OPCML: variants seen among roughly 807,000 people sequenced by gnomAD.
OPCML encodes opioid binding protein/cell adhesion molecule like.
Under a neutral mutation model 37.8 loss-of-function variants are expected in OPCML, and 13 were observed. The ratio of observed to expected loss-of-function variants is 0.34; its 90% CI spans 0.22 to 0.55. The LOEUF (loss-of-function observed/expected upper bound fraction) is 0.55. Among genes scored for constraint, OPCML ranks in the 20% least tolerant of loss-of-function variants. The probability of loss-of-function intolerance (pLI) is 0.91; values close to 1 mark genes in which losing one functional copy is unlikely to be tolerated. For synonymous variants in OPCML, 176 were observed against 168.8 expected, an observed-to-expected ratio of 1.04 and a Z score of -0.33; for missense variants, 341 against 435.6, an observed-to-expected ratio of 0.78 and a Z score of 1.93.
chr11:132,750,085 A>G lies in OPCML; in HGVS notation c.147-92766T>C, dbSNP rs569121644. ...TTTAGTAAAGACGGGGTTTTGCCCCAACACTTTGGCAAGCCGAGGTGGGCA... is the reference window on the plus strand; with the variant it reads ...TTTAGTAAAGACGGGGTTTTGCCCCGACACTTTGGCAAGCCGAGGTGGGCA... On this transcript the variant is annotated intron_variant, in intron 2 of 7. Transcript: ENST00000524381. Among the ~76,000 whole-genome samples the G allele has an allele frequency of 2.6e-5, 4 of 152,184 alleles. No individual in the cohort carries two copies. In the East Asian group the frequency reaches 7.8e-4, roughly 30 times the overall value.
intron 1 of OPCML, among the ~76,000 whole-genome samples, chr11:133,310,129 T>C (rs754530863): frequency 6.6e-5 from 10 of 152,110 alleles, no homozygotes; most frequent in Non-Finnish European, 4.4e-5. Context: ...GTCTGGAGGG[T>C]GAAACTGAAA....
intron 2 of OPCML, among the ~76,000 whole-genome samples, chr11:132,856,580 C>G (rs2725440): frequency 1.3e-5 from 2 of 152,044 alleles, no homozygotes; most frequent in Non-Finnish European, 2.9e-5. Context: ...TCCCGATAAG[C>G]TCTCAGGAGG....
chr11:132,620,291 G>A (rs1939321050), intron 3 of OPCML, among the ~76,000 whole-genome samples: 1 of 152,298 alleles, frequency 6.6e-6, no homozygotes, highest in Non-Finnish European at 1.5e-5. Flanking sequence ...CAAACCCTCA[G>A]ATAAGTTGTT....
At chr11:133,229,758 G>A (rs1046791534) in intron 1 of OPCML, among the ~76,000 whole-genome samples, 3 of 152,174 alleles carry the variant, frequency 2.0e-5, no homozygotes, top group African/African-American at 4.8e-5. Flanking sequence ...AGGGTAAGGG[G>A]GAACTGCTGG....
intron 1 of OPCML, among the ~76,000 whole-genome samples, chr11:133,035,044 T>C (rs1015953257): frequency 7.9e-5 from 12 of 152,182 alleles, no homozygotes; most frequent in Non-Finnish European, 1.8e-4. Flanking sequence ...AGATGGATAA[T>C]GCCCCAGGCG....
chr11:133,057,505 G>A (rs1032961824), intron 1 of OPCML, among the ~76,000 whole-genome samples: 11 of 152,144 alleles, frequency 7.2e-5, no homozygotes. Flanking sequence ...CTGCTTCTGG[G>A]TGGGTGTGGC....
chr11:132,977,042 G>A (rs761838695), intron 1 of OPCML, among the ~76,000 whole-genome samples: 6 of 152,176 alleles, frequency 3.9e-5, no homozygotes, highest in East Asian at 1.9e-4. Context: ...CTGCCTGCAC[G>A]ACACTGGGTT....
intron 2 of OPCML, among the ~76,000 whole-genome samples, chr11:132,743,961 G>A (rs1945524079): frequency 6.6e-6 from 1 of 152,152 alleles, no homozygotes; most frequent in Non-Finnish European, 1.5e-5. Flanking sequence ...CAGGACAGTG[G>A]ACCTTATACA....
chr11:132,858,118 G>A (rs775135595), intron 2 of OPCML, among the ~76,000 whole-genome samples: 2 of 152,176 alleles, frequency 1.3e-5, no homozygotes, highest in African/African-American at 4.8e-5. Context: ...AGAAAAACTA[G>A]GAAGGAAGAG....
chr11:133,272,015 C>T (rs1317089721), intron 1 of OPCML, among the ~76,000 whole-genome samples: 2 of 152,180 alleles, frequency 1.3e-5, no homozygotes, highest in Non-Finnish European at 1.5e-5. Context: ...TTTCTGTCCA[C>T]ACCACTGCAG....
intron 1 of OPCML, among the ~76,000 whole-genome samples, chr11:133,138,277 T>G (rs2137153844): frequency 6.6e-6 from 1 of 152,326 alleles, no homozygotes; most frequent in South Asian, 2.1e-4. Context: ...TGCCATATTC[T>G]TGGACTTTCC....
chr11:132,750,829 G>T (rs574298872), intron 2 of OPCML, among the ~76,000 whole-genome samples: 1 of 149,096 alleles, frequency 6.7e-6, no homozygotes, highest in African/African-American at 2.5e-5. Context: ...TCACTCTGTC[G>T]CCCAGGCTGG....
chr11:132,606,790 G>A (rs1938330753), intron 3 of OPCML, among the ~76,000 whole-genome samples: 1 of 152,166 alleles, frequency 6.6e-6, no homozygotes, highest in Non-Finnish European at 1.5e-5. Flanking sequence ...AAATCTGCAA[G>A]TGAAATAAGA....
chr11:133,477,454 T>C (rs1451349560), intron 1 of OPCML, among the ~76,000 whole-genome samples: 1 of 152,128 alleles, frequency 6.6e-6, no homozygotes, highest in African/African-American at 2.4e-5. Context: ...GAGGTGGCAG[T>C]GGGTGGAAAA....
At chr11:133,279,005 G>A (rs1941215) in intron 1 of OPCML, among the ~76,000 whole-genome samples, 4,701 of 152,286 alleles carry the variant, frequency 0.031, 208 homozygotes, top group African/African-American at 0.1. Flanking sequence ...TCACCCGCTG[G>A]ATTAACAAAT....
intron 2 of OPCML, among the ~76,000 whole-genome samples, chr11:132,839,568 A>G (rs1941197849): frequency 6.6e-6 from 1 of 152,162 alleles, no homozygotes; most frequent in Admixed American, 6.5e-5. Flanking sequence ...ATTCCACGTG[A>G]AATGAGGACA....
intron 4 of OPCML, among the ~76,000 whole-genome samples, chr11:132,439,293 G>A (rs569495256): frequency 1.7e-4 from 26 of 152,274 alleles, no homozygotes; most frequent in African/African-American, 3.4e-4. Flanking sequence ...GGATCTGAGC[G>A]TCTCTCCTGA....
intron 4 of OPCML, among the ~76,000 whole-genome samples, chr11:132,513,140 C>A (rs1163622506): frequency 6.6e-6 from 1 of 152,010 alleles, no homozygotes; most frequent in East Asian, 1.9e-4. Flanking sequence ...ATGGTTAGTG[C>A]TGCTTAATGA....
intron 1 of OPCML, among the ~76,000 whole-genome samples, chr11:133,291,808 C>A (rs1240638859): frequency 6.6e-6 from 1 of 152,190 alleles, no homozygotes; most frequent in African/African-American, 2.4e-5. Context: ...ATTCTAAAAT[C>A]TTCACAAAAA....
Sources: gnomAD v4.1 joint callset for allele counts (sites outside exome capture counted in the v4.1 genomes callset) on GRCh38, gnomAD v4.1.1 for gene constraint, MANE v1.5 for transcripts, NCBI Gene and HGNC (gene_info 2026-07-23, HGNC 2026-07-21) for gene names.